BRF1: variants seen among roughly 807,000 people sequenced by gnomAD.
BRF1 encodes the protein transcription factor IIIB 90 kDa subunit.
BRF1 carries 59 observed loss-of-function variants against 81.7 expected under a neutral mutation model. The ratio of observed to expected loss-of-function variants is 0.72; its 90% confidence interval spans 0.59 to 0.90. The LOEUF is 0.90. Among genes scored for constraint, BRF1 ranks in the 40% least tolerant of loss-of-function variants. BRF1 has a pLI of 0.00. For missense variants in BRF1, 1,050 were observed against 936.3 expected, an observed-to-expected ratio of 1.12 and a Z score of -1.58; for synonymous variants, 491 against 395.6, an observed-to-expected ratio of 1.24 and a Z score of -2.86.
At chr14:105,296,891 C>T (rs1316462287) in intron 1 of BRF1, among the ~76,000 whole-genome samples, 2 of 152,172 alleles carry the variant, frequency 1.3e-5, no homozygotes, top group East Asian at 1.9e-4. Context: ...CACGGCAGCT[C>T]ATGCCTATAA....
intron 5 of BRF1, chr14:105,248,618 G>A (rs1021945949): frequency 1.6e-5 from 16 of 976,342 alleles, no homozygotes; most frequent in African/African-American, 3.6e-5. Context: ...GGGCCTGGCC[G>A]GGCTGCGCTA....
chr14:105,252,396 T>C, intron 5 of BRF1, 111 bp downstream of exon 5: 4 of 1,471,460 alleles, frequency 2.7e-6, no homozygotes, highest in Non-Finnish European at 3.6e-6. Context: ...TTTCTTACCT[T>C]GAGGGGTCCC....
intron 15 of BRF1, 56 bp downstream of exon 15, chr14:105,217,488 G>C (rs1891524432): frequency 6.3e-7 from 1 of 1,584,064 alleles, no homozygotes; most frequent in Non-Finnish European, 8.6e-7. Flanking sequence ...GAAGCCATGG[G>C]CCTCTGCCCG....
At chr14:105,304,088 A>G (rs2058107728), upstream of BRF1, among the ~76,000 whole-genome samples, 1 of 152,244 alleles carries the variant, frequency 6.6e-6, no homozygotes, top group Non-Finnish European at 1.5e-5. Context: ...CCCAGGCCAC[A>G]GCGGTGCAGG....
intron 2 of BRF1, among the ~76,000 whole-genome samples, chr14:105,273,999 C>T (rs1210975537): frequency 1.3e-5 from 2 of 152,184 alleles, no homozygotes; most frequent in East Asian, 1.9e-4. Flanking sequence ...CTGAATGTCT[C>T]GATATAAAAC....
chr14:105,312,981 T>C (rs1332721240), intron 1 of BRF1, among the ~76,000 whole-genome samples: 1 of 152,106 alleles, frequency 6.6e-6, no homozygotes, highest in Non-Finnish European at 1.5e-5. Flanking sequence ...ATCTCCTCTT[T>C]TGTCACTTGG....
chr14:105,310,082 C>T (rs1362678901), intron 1 of BRF1, among the ~76,000 whole-genome samples: 1 of 151,916 alleles, frequency 6.6e-6, no homozygotes, highest in Non-Finnish European at 1.5e-5. Context: ...CCGCACCCAG[C>T]CATGTGCATC....
chr14:105,272,720 C>A lies in BRF1; in HGVS notation c.439+1G>T. 1 of 1,601,674 alleles carries A rather than the reference C, an allele frequency of 6.2e-7. No individual in the cohort carries two copies. Among genetic ancestry groups the A allele is most frequent in the East Asian group, 2.2e-5 (1 of 44,480 alleles). On this transcript the variant is annotated splice_donor_variant, in intron 3 of 17. Coordinates refer to ENST00000547530, the MANE Select transcript of BRF1 (RefSeq NM_001519.4). LOFTEE classifies it high-confidence loss of function. ...TGGGAGGCTCTCAAACCAAAGGATA[C>A]GCGGCGTGCCCTCCGTACGGCAGAC...
At position 105,228,815 on chromosome 14, in the gene BRF1, C is replaced by T; in HGVS notation, c.788+5G>A. ...GTCCCCATGCCATGAATGAGAGCCC[C>T]TCACCTCTTCCGCAGCGTGGACTCA... On this transcript the variant is annotated splice_donor_5th_base_variant and intron_variant, in intron 7 of 17. Coordinates refer to ENST00000547530, the MANE Select transcript of BRF1 (RefSeq NM_001519.4). 3.1e-6 allele frequency: 5 copies of T among 1,613,798 alleles called. No individual in the cohort carries two copies. The highest frequency in any genetic ancestry group is 4.2e-6 in the Non-Finnish European group (5 of 1,179,968).
At position 105,272,832 on chromosome 14, in the gene BRF1, C is replaced by T. The variant is rs1400567464; in HGVS notation, c.328G>A (p.Ala110Thr). 3.1e-6 allele frequency: 5 copies of T among 1,613,888 alleles called. No homozygotes were observed. The highest frequency in any genetic ancestry group is 2.2e-5 in the East Asian group (1 of 44,900). The change falls in exon 3 of 18, where the codon GCC becomes ACC. Residue 110 changes from alanine to threonine, a missense_variant. Ala to Thr is a moderately conservative substitution (Grantham distance 58). Around this residue, in one of 2 missense-constraint regions of BRF1, gnomAD observed 1,043 missense variants for 915.4 expected, o/e 1.14. Transcript: ENST00000547530. ...ACGGCCATCTTGAAGAAGTTGAAGGCGGTGTCCAGGCAGTGCTGGTTCAGC... is the reference window on the plus strand; with the variant it reads ...ACGGCCATCTTGAAGAAGTTGAAGGTGGTGTCCAGGCAGTGCTGGTTCAGC... ...LQLNQHCLDT[A>T]FNFFKMAVSR...
chr14:105,250,808 TAG>T (rs2140298048), intron 5 of BRF1: 2 of 954,354 alleles, frequency 2.1e-6, no homozygotes, highest in African/African-American at 1.7e-5. Flanking sequence ...CTTGACTGTG[TAG>T]AGACATTTTC....
chr14:105,248,567 G>A (rs968937220), intron 5 of BRF1: 10 of 833,370 alleles, frequency 1.2e-5, no homozygotes, highest in Non-Finnish European at 1.3e-5. Flanking sequence ...GCGGGTACGG[G>A]CTCGGGCGGG....
At position 105,284,499 on chromosome 14, in the gene BRF1, C is replaced by T. The variant is rs1221138094; in HGVS notation, c.265+1797G>A. ...CTGGAGATGGCCCAGGAGAAAACAG[C>T]CAGGGTGACGTGCTGTCCACAAGAG... On this transcript the variant is annotated intron_variant, in intron 2 of 17. Coordinates refer to ENST00000547530, the MANE Select transcript of BRF1 (RefSeq NM_001519.4). This position sits in a 1 kb window ranked among gnomAD's most constrained non-coding sequence, Gnocchi z 4.0. Among the ~76,000 whole-genome samples the T allele has an allele frequency of 6.6e-6, 1 of 152,136 alleles. No individual in the cohort carries two copies. The highest frequency in any genetic ancestry group is 1.5e-5 in the Non-Finnish European group (1 of 68,028).
At position 105,221,673 on chromosome 14, in the gene BRF1, G is replaced by C; in HGVS notation, c.1290C>G (p.Cys430Trp). 1 of 1,611,500 alleles carries C rather than the reference G, an allele frequency of 6.2e-7. No individual in the cohort carries two copies. Among genetic ancestry groups the C allele is most frequent in the South Asian group, 1.1e-5 (1 of 91,008 alleles). Residue 430 changes from cysteine (C) to tryptophan (W), a missense_variant, in exon 11 of 18, where the codon TGC (cysteine) becomes TGG (tryptophan). Physicochemically the swap from Cys to Trp is radical, Grantham distance 215 (BLOSUM62 -2). Transcript: ENST00000547530. ...TGGGGTCGCTGCTCTGAGAGGAGAT[G>C]CATTCGCGGATGGAGTCTGAGATGC... ...SLGISDSIRECISSQSSDPKD... is the reference protein window; with the variant it reads ...SLGISDSIREWISSQSSDPKD...
intron 2 of BRF1, among the ~76,000 whole-genome samples, chr14:105,274,539 G>A (rs2056799130): frequency 6.6e-6 from 1 of 152,230 alleles, no homozygotes; most frequent in South Asian, 2.1e-4. Flanking sequence ...GCGAGGTGCT[G>A]GAGGTGGCCA....
At chr14:105,243,464 A>T (rs587718758) in intron 5 of BRF1, among the ~76,000 whole-genome samples, 62 of 137,672 alleles carry the variant, frequency 4.5e-4, no homozygotes, top group East Asian at 2.8e-3. Context: ...TAAAAAAAAA[A>T]AAATAAAAAT....
chr14:105,306,659 G>A (rs1021542651), intron 1 of BRF1, among the ~76,000 whole-genome samples: 2 of 151,790 alleles, frequency 1.3e-5, no homozygotes, highest in African/African-American at 2.4e-5. Flanking sequence ...AGGCTGTAGT[G>A]CAATGGCACG....
At chr14:105,249,171 T>C in intron 5 of BRF1, 1 of 1,583,880 alleles carries the variant, frequency 6.3e-7, no homozygotes, top group Non-Finnish European at 8.5e-7. Context: ...GCGCTCATGT[T>C]CAACAACGAG....
intron 10 of BRF1, 125 bp downstream of exon 10, chr14:105,225,944 T>A: frequency 9.9e-7 from 1 of 1,012,074 alleles, no homozygotes. Flanking sequence ...CCCTGCCCGG[T>A]GGTAAACTTA....
Sources: allele counts gnomAD v4.1 joint callset (sites outside exome capture counted in the v4.1 genomes callset), GRCh38; gene constraint gnomAD v4.1.1; regional missense constraint gnomAD v4.1.1; non-coding constraint Gnocchi (gnomAD v3.1); transcripts MANE v1.5; gene names NCBI Gene and HGNC (gene_info 2026-07-23, HGNC 2026-07-21).